MYO9A: variants seen among roughly 807,000 people sequenced by gnomAD.
MYO9A encodes myosin IXA, also known as unconventional myosin-IXa.
Under a neutral mutation model 293.3 loss-of-function variants are expected in MYO9A, and 103 were observed. That is an observed-to-expected ratio of 0.35 (90% confidence interval 0.30 to 0.41). The LOEUF is 0.41. Among genes scored for constraint, MYO9A ranks in the 10% least tolerant of loss-of-function variants. MYO9A has a pLI of 1.00. For synonymous variants in MYO9A, 1,001 were observed against 1,035.7 expected (o/e 0.97, Z 0.64); for missense variants, 2,685 against 3,033.0 (o/e 0.89, Z 2.69).
chr15:71,857,219 T>C (rs1298460159), intron 34 of MYO9A, among the ~76,000 whole-genome samples: 2 of 152,228 alleles, frequency 1.3e-5, no homozygotes, highest in Non-Finnish European at 2.9e-5. Flanking sequence ...GCTAGAACAT[T>C]CTATTTCTTG....
chr15:72,011,099 T>C (rs2077159684), intron 6 of MYO9A, among the ~76,000 whole-genome samples: 2 of 151,780 alleles, frequency 1.3e-5, no homozygotes, highest in African/African-American at 4.8e-5. Flanking sequence ...AGCTTCGACC[T>C]CCCGGGCTCA....
At chr15:71,871,154 C>T (rs2056499165) in intron 32 of MYO9A, among the ~76,000 whole-genome samples, 1 of 152,118 alleles carries the variant, frequency 6.6e-6, no homozygotes, top group African/African-American at 2.4e-5. Flanking sequence ...GCAGGAGAAT[C>T]ATGAGCCCAG....
intron 1 of MYO9A, among the ~76,000 whole-genome samples, chr15:72,105,112 C>T (rs2080521267): frequency 1.3e-5 from 2 of 152,130 alleles, no homozygotes. Flanking sequence ...AAAATTATCT[C>T]AACAACAACA....
chr15:72,117,477 T>C (rs2081034406), intron 1 of MYO9A, among the ~76,000 whole-genome samples: 1 of 149,132 alleles, frequency 6.7e-6, no homozygotes, highest in African/African-American at 2.5e-5. Flanking sequence ...GCCGGAATGG[T>C]GCCCGGCCAA....
intron 26 of MYO9A, chr15:71,890,113 T>C (rs1237700811): frequency 6.6e-6 from 1 of 152,226 alleles, no homozygotes; most frequent in Non-Finnish European, 1.5e-5. Context: ...AAGTGGGTTT[T>C]CTCTTACTGT....
chr15:72,100,314 A>C (rs894953307), intron 1 of MYO9A, among the ~76,000 whole-genome samples: 1 of 152,200 alleles, frequency 6.6e-6, no homozygotes, highest in African/African-American at 2.4e-5. Context: ...GCTATAACAG[A>C]TGTGAAGACT....
At chr15:72,111,584 C>G (rs748466294) in intron 1 of MYO9A, among the ~76,000 whole-genome samples, 87 of 151,120 alleles carry the variant, frequency 5.8e-4, no homozygotes, top group Non-Finnish European at 8.3e-4. Context: ...TGGTGCTTTA[C>G]ATAAAAATTT....
rs1335112305 is a variant in MYO9A, at chr15:72,011,670, C to G, written c.1156-1223G>C. 3.9e-5 allele frequency among the ~76,000 whole-genome samples: 6 copies of G among 152,198 alleles called. No homozygotes were observed. The South Asian group carries it at 1.2e-3, about 32-fold the overall frequency. ...AAGCATAATCCTTGCATTTCAGTTC[C>G]TAAAATAGTCAAACAGTGGTAGACA... On this transcript the variant is annotated intron_variant, in intron 6 of 41. Coordinates refer to ENST00000356056, the MANE Select transcript of MYO9A (RefSeq NM_006901.4).
chr15:71,938,752 A>C, intron 16 of MYO9A, 100 bp downstream of exon 16: 1 of 997,796 alleles, frequency 1.0e-6, no homozygotes, highest in Non-Finnish European at 1.5e-6. Context: ...AAACAAAACA[A>C]GCCTGAATTA....
intron 2 of MYO9A, among the ~76,000 whole-genome samples, chr15:72,038,574 A>T (rs952712313): frequency 1.3e-5 from 2 of 152,212 alleles, no homozygotes; most frequent in African/African-American, 4.8e-5. Context: ...CCCCACACAC[A>T]AAAAGACACC....
At chr15:71,888,846 G>T (rs1342958561) in intron 26 of MYO9A, among the ~76,000 whole-genome samples, 1 of 152,106 alleles carries the variant, frequency 6.6e-6, no homozygotes, top group East Asian at 1.9e-4. Flanking sequence ...CTTATTAACA[G>T]AAAGAGGAAA....
At position 72,117,862 on chromosome 15, in the gene MYO9A, C is replaced by G; in HGVS notation, c.-254G>C. 7.5e-6 allele frequency: 3 copies of G among 398,606 alleles called. No homozygotes were observed. The highest frequency in any genetic ancestry group is 1.3e-5 in the Non-Finnish European group (3 of 225,878). The allele number at this position is 398,606 out of a possible 1,614,324, so 24.7% of individuals were successfully genotyped here. ...GGGCGAGCGGCCGCGGCGCATCCCC[C>G]GCCCTGTCAGAGAGACTCCGCCCGG... On this transcript the variant is annotated 5_prime_UTR_variant, in exon 1 of 42. Transcript: ENST00000356056.
chr15:72,067,914 ATCT>A (rs557610888), intron 1 of MYO9A, among the ~76,000 whole-genome samples: 58 of 152,338 alleles, frequency 3.8e-4, no homozygotes, highest in African/African-American at 1.3e-3. Flanking sequence ...TACTCTGCAA[ATCT>A]TCTACTCTGT....
At position 71,898,143 on chromosome 15, in the gene MYO9A, C is replaced by G; in HGVS notation, c.4360G>C (p.Ala1454Pro). Residue 1454 changes from alanine (A) to proline (P), a missense_variant, in exon 25 of 42, where the codon GCT becomes CCT. By Grantham distance (27) the Ala-to-Pro change is conservative (BLOSUM62 -1). This residue lies in a region of MYO9A where 1,434 missense variants were observed against 1,497.7 expected (regional missense o/e 0.96). Transcript: ENST00000356056. ...LLENEDTAGEALTLDINRETR... is the reference protein window; with the variant it reads ...LLENEDTAGEPLTLDINRETR... The stretch of plus-strand genomic sequence containing the variant: ...TCCCTGTTGATATCCAAAGTAAGAG[C>G]TTCCCCCGCTGTGTCTTCATTTTCC... 6.2e-7 allele frequency: 1 copy of G among 1,614,156 alleles called. No individual in the cohort carries two copies. Among genetic ancestry groups the G allele is most frequent in the Non-Finnish European group, 8.5e-7 (1 of 1,180,036 alleles).
intron 11 of MYO9A, among the ~76,000 whole-genome samples, chr15:71,979,920 C>T (rs1209252080): frequency 1.3e-5 from 2 of 152,114 alleles, no homozygotes. Context: ...GATGCTGATG[C>T]TATTATTGAG....
intron 13 of MYO9A, 87 bp from the exon 14 acceptor site, chr15:71,960,183 G>T: frequency 8.5e-7 from 1 of 1,175,000 alleles, no homozygotes. Context: ...TTGGATGCTT[G>T]TCCCTCCAAA....
chr15:71,874,611 A>C (rs28378110), intron 32 of MYO9A, among the ~76,000 whole-genome samples: 1 of 152,236 alleles, frequency 6.6e-6, no homozygotes, highest in Non-Finnish European at 1.5e-5. Context: ...TGGCTATTAC[A>C]TAGAGAACTA....
At chr15:71,925,000 T>A (rs1567277438) in intron 18 of MYO9A, among the ~76,000 whole-genome samples, 1 of 152,030 alleles carries the variant, frequency 6.6e-6, no homozygotes, top group Non-Finnish European at 1.5e-5. Context: ...GTCTGTTAGG[T>A]TCATATATCT....
intron 1 of MYO9A, among the ~76,000 whole-genome samples, chr15:72,104,154 C>G (rs2080487622): frequency 6.6e-6 from 1 of 152,156 alleles, no homozygotes; most frequent in Non-Finnish European, 1.5e-5. Context: ...TAATGCTGGG[C>G]AGCAGCAGAA....
Sources: allele counts gnomAD v4.1 joint callset (sites outside exome capture counted in the v4.1 genomes callset), GRCh38; gene constraint gnomAD v4.1.1; regional missense constraint gnomAD v4.1.1; transcripts MANE v1.5; gene names NCBI Gene and HGNC (gene_info 2026-07-23, HGNC 2026-07-21).